Variants in STK32B observed in about 807,000 individuals in gnomAD.
The protein encoded by STK32B is serine/threonine-protein kinase 32B.
A neutral mutation model predicts 52.6 loss-of-function variants in STK32B; 43 were observed. That is an observed-to-expected ratio of 0.82 (90% CI 0.64 to 1.05). STK32B has a LOEUF of 1.05. STK32B is among the 50% of genes least tolerant of loss of function. The pLI, the probability that STK32B is intolerant of heterozygous loss-of-function variation, is 0.00. For synonymous variants in STK32B, 238 were observed against 204.3 expected, an observed-to-expected ratio of 1.17 and a Z score of -1.41; for missense variants, 621 against 534.6, an observed-to-expected ratio of 1.16 and a Z score of -1.59.
At chr4:5,258,678 C>G (rs1726496312) in intron 3 of STK32B, among the ~76,000 whole-genome samples, 1 of 152,302 alleles carries the variant, frequency 6.6e-6, no homozygotes, top group African/African-American at 2.4e-5. Flanking sequence ...CAGCATCTCC[C>G]CAGCTTCCAC....
intron 11 of STK32B, among the ~76,000 whole-genome samples, chr4:5,494,850 G>T (rs1033597451): frequency 1.8e-4 from 28 of 152,288 alleles, no homozygotes; most frequent in African/African-American, 6.0e-4. Flanking sequence ...AGTTTGGCGG[G>T]ATATGAAATT....
At chr4:5,351,829 T>C (rs1469433778) in intron 4 of STK32B, among the ~76,000 whole-genome samples, 3 of 151,984 alleles carry the variant, frequency 2.0e-5, no homozygotes, top group African/African-American at 7.2e-5. Context: ...TGAACAATTA[T>C]GCACTAACAA....
At chr4:5,040,097 G>A in the STK32B span, among the ~76,000 whole-genome samples, 142,156 of 152,254 alleles carry the variant, frequency 0.93, 66,769 homozygotes, top group East Asian at 1. Flanking sequence ...GTCGGTGCAT[G>A]TGTCATTTCT....
intron 3 of STK32B, among the ~76,000 whole-genome samples, chr4:5,199,711 T>C (rs1442356931): frequency 6.6e-6 from 1 of 152,204 alleles, no homozygotes; most frequent in Non-Finnish European, 1.5e-5. Flanking sequence ...TGGTTTCTTA[T>C]AATTGTCCAG....
rs988414645 is a variant in STK32B at position 5,058,952 on chromosome 4, T to C, written c.52+7037T>C. 7.9e-5 allele frequency among the ~76,000 whole-genome samples: 12 copies of C among 151,764 alleles called. No homozygotes were observed. The highest frequency in any genetic ancestry group is 2.7e-4 in the African/African-American group (11 of 41,368). The stretch of plus-strand genomic sequence containing the variant: ...TTTTGGTAGAGATGGGGTTTCACCA[T>C]GTTGGCCAGGCTGGTCTCGAACTCC... On this transcript the variant is annotated intron_variant, in intron 1 of 11. Transcript: ENST00000282908. The surrounding 1 kb of genome is among the most constrained non-coding windows in gnomAD (Gnocchi z 4.8).
chr4:5,269,942 G>T (rs1229594556), intron 3 of STK32B, among the ~76,000 whole-genome samples: 2 of 152,092 alleles, frequency 1.3e-5, no homozygotes. Context: ...GAAATTTAAG[G>T]TTGGTTTAAC....
At chr4:5,352,906 C>T (rs1018419544) in intron 4 of STK32B, among the ~76,000 whole-genome samples, 1 of 151,162 alleles carries the variant, frequency 6.6e-6, no homozygotes, top group Non-Finnish European at 1.5e-5. Context: ...ATAGAAAAAA[C>T]AATCCGAAAT....
At chr4:5,167,683 A>G (rs1051522197) in intron 2 of STK32B, among the ~76,000 whole-genome samples, 1 of 152,254 alleles carries the variant, frequency 6.6e-6, no homozygotes, top group Non-Finnish European at 1.5e-5. Flanking sequence ...GCCTCATCCC[A>G]GGTGACGGGC....
intron 1 of STK32B, among the ~76,000 whole-genome samples, chr4:5,103,698 A>G (rs1245404331): frequency 6.6e-6 from 1 of 152,152 alleles, no homozygotes; most frequent in African/African-American, 2.4e-5. Flanking sequence ...ATATTAACAA[A>G]TTACTCCATA....
chr4:5,274,862 G>A (rs1225380626), intron 3 of STK32B, among the ~76,000 whole-genome samples: 1 of 152,110 alleles, frequency 6.6e-6, no homozygotes, highest in Non-Finnish European at 1.5e-5. Flanking sequence ...GATCCAGCAG[G>A]GTGTCCGCTA....
At chr4:5,079,042 AT>A (rs1212392263) in intron 1 of STK32B, among the ~76,000 whole-genome samples, 1 of 152,196 alleles carries the variant, frequency 6.6e-6, no homozygotes, top group Non-Finnish European at 1.5e-5. Context: ...CCCAGAGACA[AT>A]TGTTATGCCT....
At chr4:5,317,125 T>C (rs1290495307) in intron 3 of STK32B, among the ~76,000 whole-genome samples, 12 of 51,412 alleles carry the variant, frequency 2.3e-4, no homozygotes, top group Non-Finnish European at 1.1e-4. Context: ...TATAATACAT[T>C]ATAATATATA....
intron 4 of STK32B, among the ~76,000 whole-genome samples, chr4:5,338,252 G>T (rs1732836994): frequency 6.6e-6 from 1 of 152,150 alleles, no homozygotes; most frequent in South Asian, 2.1e-4. Context: ...ACAGCAAAAT[G>T]AAGAGGAGAA....
At chr4:5,247,916 C>T (rs1394444734) in intron 3 of STK32B, among the ~76,000 whole-genome samples, 6 of 152,084 alleles carry the variant, frequency 3.9e-5, no homozygotes, top group Non-Finnish European at 8.8e-5. Flanking sequence ...AGACCCAGGG[C>T]CTTGGCTCAT....
rs761076752 is a variant in STK32B at position 5,468,039 on chromosome 4, C to G, written c.1075C>G (p.Arg359Gly). ...CCTGCAGCACTGTTTGGAGACTGTCCGGGAGGAATTCATCATATTCAACAG... is the reference window on the plus strand; with the variant it reads ...CCTGCAGCACTGTTTGGAGACTGTCGGGGAGGAATTCATCATATTCAACAG... ...GHLQHCLETVREEFIIFNREK... is the reference protein window; with the variant it reads ...GHLQHCLETVGEEFIIFNREK... Residue 359 changes from arginine to glycine, a missense_variant, in exon 11 of 12, where the codon CGG (arginine) becomes GGG (glycine). Coordinates refer to ENST00000282908, the MANE Select transcript of STK32B (RefSeq NM_018401.3). The G allele has an allele frequency of 1.9e-6, 3 of 1,614,080 alleles. No homozygotes were observed. The highest frequency in any genetic ancestry group is 2.5e-6 in the Non-Finnish European group (3 of 1,179,986).
intron 3 of STK32B, among the ~76,000 whole-genome samples, chr4:5,196,536 C>T (rs1002995150): frequency 2.0e-5 from 3 of 151,892 alleles, no homozygotes; most frequent in Non-Finnish European, 4.4e-5. Flanking sequence ...ACCTGACCAA[C>T]ATGGTGAAAC....
intron 3 of STK32B, among the ~76,000 whole-genome samples, chr4:5,285,984 G>A (rs11937436): frequency 0.021 from 3,262 of 152,144 alleles, 125 homozygotes; most frequent in African/African-American, 0.074. Flanking sequence ...TATCCATATA[G>A]AAAGAGGAGA....
chr4:5,045,111 C>T, the STK32B span, among the ~76,000 whole-genome samples: 3 of 152,366 alleles, frequency 2.0e-5, no homozygotes, highest in South Asian at 4.1e-4. Flanking sequence ...AAAAAGATGT[C>T]TGTCATACTT....
At chr4:5,401,089 A>AG (rs1462790052) in intron 5 of STK32B, among the ~76,000 whole-genome samples, 1 of 152,168 alleles carries the variant, frequency 6.6e-6, no homozygotes, top group Non-Finnish European at 1.5e-5. Context: ...CAGAAACAAG[A>AG]GGGGAATGGC....
Sources: allele counts gnomAD v4.1 joint callset (sites outside exome capture counted in the v4.1 genomes callset), GRCh38; gene constraint gnomAD v4.1.1; non-coding constraint Gnocchi (gnomAD v3.1); transcripts MANE v1.5; gene names NCBI Gene and HGNC (gene_info 2026-07-23, HGNC 2026-07-21).